The following WWP2 variants were observed in gnomAD, a reference collection of about 807,000 sequenced individuals.
WWP2 encodes NEDD4-like E3 ubiquitin-protein ligase WWP2.
A neutral mutation model predicts 121.0 loss-of-function variants in WWP2; 57 were observed. The ratio of observed to expected loss-of-function variants is 0.47; its 90% CI spans 0.38 to 0.59. The LOEUF (loss-of-function observed/expected upper bound fraction) is 0.59. WWP2 is among the 20% of genes least tolerant of loss of function. The pLI is 0.00. For missense variants in WWP2, 962 were observed against 1,158.9 expected (o/e 0.83, Z 2.47); for synonymous variants, 449 against 441.3 (o/e 1.02, Z -0.22).
intron 1 of WWP2, among the ~76,000 whole-genome samples, chr16:69,776,533 C>T (rs1218110570): frequency 6.6e-6 from 1 of 152,144 alleles, no homozygotes; most frequent in Non-Finnish European, 1.5e-5. Flanking sequence ...AGTTTCTTAA[C>T]TTATAATGAT....
intron 8 of WWP2, among the ~76,000 whole-genome samples, chr16:69,897,548 A>G (rs2058124050): frequency 2.0e-5 from 3 of 152,172 alleles, no homozygotes; most frequent in African/African-American, 7.2e-5. Context: ...TTAAACTGCT[A>G]TACGGTGTTC....
intron 6 of WWP2, among the ~76,000 whole-genome samples, chr16:69,851,008 ATTTTTTTTT>A (rs35175050): frequency 9.1e-6 from 1 of 109,596 alleles, no homozygotes; most frequent in African/African-American, 3.5e-5. Flanking sequence ...TCACTCTTTA[ATTTTTTTTT>A]TTTTTTTTTG....
At chr16:69,783,780 T>TACTACAACAACAACAACAACA (rs141968687) in intron 1 of WWP2, among the ~76,000 whole-genome samples, 21 of 149,830 alleles carry the variant, frequency 1.4e-4, no homozygotes, top group African/African-American at 4.2e-4. Context: ...ACCTTGTTTC[T>TACTACAACAACAACAACAACA]ACAACAACAA....
At chr16:69,787,226 T>G (rs572665842) in intron 2 of WWP2, 146 bp downstream of exon 2, 2 of 553,802 alleles carry the variant, frequency 3.6e-6, no homozygotes, top group Admixed American at 4.1e-5. Context: ...ATCTTGTAGC[T>G]GTAATTCTTG....
chr16:69,923,228 A>T (rs948114821), intron 10 of WWP2, among the ~76,000 whole-genome samples: 5 of 135,666 alleles, frequency 3.7e-5, no homozygotes, highest in Non-Finnish European at 7.6e-5. Flanking sequence ...AACCTAATAA[A>T]TGTTGTTTGT....
Position 69,931,187 on chromosome 16 carries a change from G to A in WWP2, c.1481G>A (p.Ser494Asn), listed in dbSNP as rs752781641. Residue 494 changes from serine (S) to asparagine (N), a missense_variant, in exon 14 of 24, where the codon AGT becomes AAT. Coordinates refer to ENST00000359154, the MANE Select transcript of WWP2 (RefSeq NM_001270454.2). ...GGTTCCCCTGGTGCTTATGACCGCA[G>A]TTTTCGGTGGAAGTATCACCAGTTC... The part of the protein sequence containing the change: ...KQGSPGAYDR[S>N]FRWKYHQFRF... 14 of 1,614,050 alleles carry A rather than the reference G, an allele frequency of 8.7e-6. No homozygotes were observed. The South Asian group carries it at 8.8e-5, about 10-fold the overall frequency.
chr16:69,896,907 T>C (rs2058113177), intron 8 of WWP2, among the ~76,000 whole-genome samples: 1 of 152,156 alleles, frequency 6.6e-6, no homozygotes, highest in Middle Eastern at 3.2e-3. Flanking sequence ...TGGCACCACA[T>C]ATACAGATAC....
intron 1 of WWP2, among the ~76,000 whole-genome samples, chr16:69,772,030 T>A (rs1398171111): frequency 6.7e-6 from 1 of 149,416 alleles, no homozygotes; most frequent in African/African-American, 2.5e-5. Context: ...GGTGTGATCT[T>A]AGCTCACCAT....
intron 9 of WWP2, chr16:69,909,482 C>T (rs2058349162): frequency 2.0e-6 from 2 of 985,354 alleles, no homozygotes; most frequent in African/African-American, 3.5e-5. Context: ...GTTCAGCTGT[C>T]AGGCGTGTGC....
At chr16:69,904,394 A>C (rs1368735613) in intron 8 of WWP2, among the ~76,000 whole-genome samples, 3 of 123,188 alleles carry the variant, frequency 2.4e-5, no homozygotes, top group Non-Finnish European at 5.1e-5. Context: ...TTTTTTTTTG[A>C]GTTGGGGTCT....
intron 6 of WWP2, among the ~76,000 whole-genome samples, chr16:69,856,456 A>G (rs1295149837): frequency 6.6e-6 from 1 of 152,196 alleles, no homozygotes; most frequent in East Asian, 1.9e-4. Flanking sequence ...TATGTAAATT[A>G]TACCTTAATT....
chr16:69,891,755 G>C (rs2058032379), intron 8 of WWP2, among the ~76,000 whole-genome samples: 6 of 152,174 alleles, frequency 3.9e-5, no homozygotes, highest in Admixed American at 3.9e-4. Context: ...TACCTGGACA[G>C]TTCCATGTAG....
At position 69,786,042 on chromosome 16, in the gene WWP2, C is replaced by G. The variant is rs532376981; in HGVS notation, c.-15-954C>G. 2.2e-4 allele frequency: 33 copies of G among 151,344 alleles called. 1 individual carries two copies. The highest frequency in any genetic ancestry group is 3.4e-3 in the Middle Eastern group (1 of 292). 9.4% of individuals were successfully genotyped at this position (151,344 alleles called of 1,614,324 possible). On this transcript the variant is annotated intron_variant, in intron 1 of 23. Transcript: ENST00000359154. ...GATTCTACTCATTTGGCCAGAGACC[C>G]TCCTTGAGGTGTTTGCAGCAAACTT...
chr16:69,795,720 T>C (rs1012779398), intron 2 of WWP2, among the ~76,000 whole-genome samples: 1 of 128,620 alleles, frequency 7.8e-6, no homozygotes, highest in African/African-American at 2.9e-5. Flanking sequence ...TGGTCTCAGC[T>C]CACTGTAGCC....
chr16:69,813,717 C>T (rs548800262), intron 4 of WWP2, among the ~76,000 whole-genome samples: 123 of 152,200 alleles, frequency 8.1e-4, no homozygotes, highest in Non-Finnish European at 1.2e-3. Flanking sequence ...GATCCTCCCA[C>T]GTTGGCGTCC....
At chr16:69,792,367 T>C (rs2055931360) in intron 2 of WWP2, among the ~76,000 whole-genome samples, 2 of 152,174 alleles carry the variant, frequency 1.3e-5, no homozygotes, top group Non-Finnish European at 2.9e-5. Context: ...TTAAGAGCTT[T>C]TTCAGTGTAT....
intron 7 of WWP2, among the ~76,000 whole-genome samples, chr16:69,881,261 C>A (rs542773871): frequency 6.6e-6 from 1 of 152,284 alleles, no homozygotes; most frequent in Admixed American, 6.5e-5. Context: ...GTTTTTACTT[C>A]GTGGTGTTCT....
chr16:69,823,610 G>A lies in WWP2; in HGVS notation c.341-16516G>A, dbSNP rs1406620905. ...AGCCTCCCAAGTAGCTGGGATTACA[G>A]GTGTGTACCACCACACCTAGCTAAT... On this transcript the variant is annotated intron_variant, in intron 4 of 23. Transcript: ENST00000359154. 4.6e-5 allele frequency among the ~76,000 whole-genome samples: 7 copies of A among 151,900 alleles called. No individual in the cohort carries two copies. The East Asian group carries it at 1.3e-3, about 29-fold the overall frequency.
At chr16:69,877,376 G>C (rs763368253) in intron 7 of WWP2, among the ~76,000 whole-genome samples, 3 of 152,306 alleles carry the variant, frequency 2.0e-5, no homozygotes, top group East Asian at 1.9e-4. Context: ...AATTGAAGAG[G>C]GTTCGGGTCT....
Sources: gnomAD v4.1 joint callset for allele counts (sites outside exome capture counted in the v4.1 genomes callset) on GRCh38, gnomAD v4.1.1 for gene constraint, MANE v1.5 for transcripts, NCBI Gene and HGNC (gene_info 2026-07-23, HGNC 2026-07-21) for gene names.